TNS3: variants seen among roughly 807,000 people sequenced by gnomAD.
The protein encoded by TNS3 is tensin-3.
TNS3 carries 45 observed loss-of-function variants against 140.9 expected under a neutral mutation model. The ratio of observed to expected loss-of-function variants is 0.32; its 90% CI spans 0.25 to 0.41. The LOEUF is 0.41. Ranked by LOEUF, TNS3 falls within the 10% of genes least tolerant of loss-of-function variation. The probability of loss-of-function intolerance (pLI) is 1.00; values close to 1 mark genes in which losing one functional copy is unlikely to be tolerated. For synonymous variants in TNS3, 815 were observed against 788.4 expected, an observed-to-expected ratio of 1.03 and a Z score of -0.56; for missense variants, 1,716 against 1,906.7, an observed-to-expected ratio of 0.90 and a Z score of 1.86.
chr7:47,521,289 C>T (rs1224867620), intron 2 of TNS3, among the ~76,000 whole-genome samples: 1 of 152,206 alleles, frequency 6.6e-6, no homozygotes, highest in Admixed American at 6.5e-5. Context: ...GGATCCTGTT[C>T]CTGCTCACTA....
At chr7:47,526,984 G>A (rs1799216703) in intron 2 of TNS3, among the ~76,000 whole-genome samples, 1 of 152,160 alleles carries the variant, frequency 6.6e-6, no homozygotes, top group South Asian at 2.1e-4. Flanking sequence ...TGTAATCCCA[G>A]CACTTTGGGA....
intron 16 of TNS3, among the ~76,000 whole-genome samples, chr7:47,385,327 C>A (rs1312738921): frequency 2.0e-5 from 3 of 152,218 alleles, no homozygotes; most frequent in Non-Finnish European, 1.5e-5. Flanking sequence ...TATGTTAATG[C>A]AAGCTGCATG....
rs547125280 is a variant in TNS3 at position 47,495,759 on chromosome 7, G to C, written c.-115+11148C>G. Reference sequence around the variant, plus strand: ...ATGCCAGGGTGGGTGGCATCCATGTGGAAGAATGACTGTAGTAGAAATTTT... The same window carrying C: ...ATGCCAGGGTGGGTGGCATCCATGTCGAAGAATGACTGTAGTAGAAATTTT... On this transcript the variant is annotated intron_variant, in intron 3 of 30. Transcript: ENST00000311160. Among the ~76,000 whole-genome samples the C allele has an allele frequency of 1.9e-4, 29 of 152,308 alleles. No individual in the cohort carries two copies. The South Asian group carries it at 6.0e-3, about 32-fold the overall frequency.
At chr7:47,565,512 G>A (rs905152176) in intron 1 of TNS3, among the ~76,000 whole-genome samples, 1 of 151,696 alleles carries the variant, frequency 6.6e-6, no homozygotes, top group Non-Finnish European at 1.5e-5. Context: ...AACTACAGGC[G>A]CACACCATAT....
intron 12 of TNS3, among the ~76,000 whole-genome samples, chr7:47,413,058 A>G (rs1041690344): frequency 2.0e-5 from 3 of 151,888 alleles, no homozygotes; most frequent in African/African-American, 7.3e-5. Flanking sequence ...GGTTCAAGCA[A>G]TTCTCCTGCC....
At chr7:47,336,078 T>C (rs776308025) in intron 20 of TNS3, among the ~76,000 whole-genome samples, 13 of 151,942 alleles carry the variant, frequency 8.6e-5, no homozygotes, top group Non-Finnish European at 1.6e-4. Flanking sequence ...AGAATCCAAA[T>C]GCTGAATGCG....
chr7:47,456,349 T>C (rs1254016951), intron 4 of TNS3, among the ~76,000 whole-genome samples: 1 of 152,164 alleles, frequency 6.6e-6, no homozygotes, highest in Admixed American at 6.5e-5. Context: ...AGCTTTTACC[T>C]GGAAAACCTC....
chr7:47,460,187 C>T (rs1010318307), intron 4 of TNS3, among the ~76,000 whole-genome samples: 1 of 144,304 alleles, frequency 6.9e-6, no homozygotes, highest in South Asian at 2.2e-4. Flanking sequence ...CACTCCAGCC[C>T]GGGCGACAGA....
rs530360857 is a variant in TNS3 at position 47,380,144 on chromosome 7, G to C, written c.1025-10523C>G. Among the ~76,000 whole-genome samples, 5 of 152,372 alleles carry C rather than the reference G, an allele frequency of 3.3e-5. No homozygotes were observed. The East Asian group carries it at 7.7e-4, about 24-fold the overall frequency. On this transcript the variant is annotated intron_variant, in intron 16 of 30. Transcript: ENST00000311160. ...ATAAAGGAGCACTGTGCTCCGAGTG[G>C]GGCTGTGGCAGGCGTGTCACAGACG...
At chr7:47,572,018 C>T (rs1412743044) in intron 1 of TNS3, among the ~76,000 whole-genome samples, 4 of 152,348 alleles carry the variant, frequency 2.6e-5, no homozygotes, top group East Asian at 1.9e-4. Context: ...AATGCAACTC[C>T]GCAGGGCATG....
chr7:47,409,420 G>C lies in TNS3; in HGVS notation c.723+2307C>G, dbSNP rs565334118. ...GTCCCATGCTCTTGGTGGGCGGTAGGGGGGAAGACACATCTTAGCCTGAGG... is the reference window on the plus strand; with the variant it reads ...GTCCCATGCTCTTGGTGGGCGGTAGCGGGGAAGACACATCTTAGCCTGAGG... On this transcript the variant is annotated intron_variant, in intron 13 of 30. Coordinates refer to ENST00000311160, the MANE Select transcript of TNS3 (RefSeq NM_022748.12). 1.2e-4 allele frequency among the ~76,000 whole-genome samples: 19 copies of C among 152,164 alleles called. No homozygotes were observed. In the East Asian group the frequency reaches 2.9e-3, roughly 23 times the overall value.
chr7:47,487,490 T>C (rs532695959), intron 3 of TNS3, among the ~76,000 whole-genome samples: 132 of 152,234 alleles, frequency 8.7e-4, no homozygotes, highest in South Asian at 5.6e-3. Flanking sequence ...ACCTTGTTCA[T>C]GTCAGGATTC....
chr7:47,454,524 G>A (rs969581681), intron 4 of TNS3, among the ~76,000 whole-genome samples: 1 of 152,154 alleles, frequency 6.6e-6, no homozygotes, highest in African/African-American at 2.4e-5. Flanking sequence ...ATCAGCCCTG[G>A]GGGAGAGAGG....
chr7:47,517,559 C>T lies in TNS3; in HGVS notation c.-152-10615G>A, dbSNP rs116264009. Among the ~76,000 whole-genome samples the T allele has an allele frequency of 6.4e-3, 979 of 152,320 alleles. 14 individuals are homozygous for T. Among genetic ancestry groups the T allele is most frequent in the African/African-American group, 0.022 (914 of 41,570 alleles). On this transcript the variant is annotated intron_variant, in intron 2 of 30. Transcript: ENST00000311160. Reference sequence around the variant, plus strand: ...TCTACCTTTTATTCCCTCCTTAATTCCACCAGTATTCATTAATACCCACAG... The same window carrying T: ...TCTACCTTTTATTCCCTCCTTAATTTCACCAGTATTCATTAATACCCACAG...
rs73326599 is a variant in TNS3 at position 47,425,145 on chromosome 7, C to T, written c.390-961G>A. Among the ~76,000 whole-genome samples, 980 of 152,266 alleles carry T rather than the reference C, an allele frequency of 6.4e-3. 6 individuals carry two copies. Among genetic ancestry groups the T allele is most frequent in the African/African-American group, 0.022 (932 of 41,538 alleles). ...ACCAGCCTGGTCAACAGGGTGAAATCCCAGCTCTACTGAAAATAAAAATTA... is the reference window on the plus strand; with the variant it reads ...ACCAGCCTGGTCAACAGGGTGAAATTCCAGCTCTACTGAAAATAAAAATTA... On this transcript the variant is annotated intron_variant, in intron 9 of 30. Transcript: ENST00000311160.
intron 23 of TNS3, among the ~76,000 whole-genome samples, chr7:47,299,117 G>C (rs531895494): frequency 1.8e-4 from 27 of 152,336 alleles, no homozygotes; most frequent in African/African-American, 6.5e-4. Flanking sequence ...GGCTGAACGT[G>C]AATGACATTT....
intron 2 of TNS3, among the ~76,000 whole-genome samples, chr7:47,518,273 T>C (rs1170527621): frequency 2.0e-5 from 3 of 152,166 alleles, no homozygotes; most frequent in Non-Finnish European, 2.9e-5. Flanking sequence ...GCCCTCTCTG[T>C]GCGCCCGTGT....
intron 7 of TNS3, among the ~76,000 whole-genome samples, 192 bp downstream of exon 7, chr7:47,437,071 T>C (rs1233688941): frequency 6.6e-6 from 1 of 152,134 alleles, no homozygotes; most frequent in Admixed American, 6.5e-5. Flanking sequence ...CTCTGTATTA[T>C]TTTCACAACT....
chr7:47,319,403 T>C (rs1398238030), intron 20 of TNS3, among the ~76,000 whole-genome samples: 1 of 150,474 alleles, frequency 6.6e-6, no homozygotes, highest in African/African-American at 2.4e-5. Context: ...GAGAGAGTGA[T>C]AGAGAGAGAG....
Sources: allele counts gnomAD v4.1 joint callset (sites outside exome capture counted in the v4.1 genomes callset), GRCh38; gene constraint gnomAD v4.1.1; transcripts MANE v1.5; gene names NCBI Gene and HGNC (gene_info 2026-07-23, HGNC 2026-07-21).